ZDHHC14: variants seen among roughly 807,000 people sequenced by gnomAD.
ZDHHC14 encodes zDHHC palmitoyltransferase 14.
ZDHHC14 carries 16 observed loss-of-function variants against 47.7 expected under a neutral mutation model. That is an observed-to-expected ratio of 0.34 (90% confidence interval 0.23 to 0.51). The LOEUF is 0.51. ZDHHC14 is among the 20% of genes least tolerant of loss of function. The pLI, the probability that ZDHHC14 is intolerant of heterozygous loss-of-function variation, is 0.97. For synonymous variants in ZDHHC14, 293 were observed against 278.9 expected (o/e 1.05, Z -0.50); for missense variants, 515 against 662.5 (o/e 0.78, Z 2.44).
chr6:157,407,958 C>T (rs1417980553), intron 1 of ZDHHC14, among the ~76,000 whole-genome samples: 7 of 152,052 alleles, frequency 4.6e-5, no homozygotes, highest in African/African-American at 9.7e-5. Flanking sequence ...TAAGTGCTGC[C>T]GTGTTGCTAG....
intron 1 of ZDHHC14, among the ~76,000 whole-genome samples, chr6:157,405,399 A>T (rs1411472396): frequency 2.6e-5 from 4 of 152,008 alleles, no homozygotes; most frequent in Non-Finnish European, 5.9e-5. Context: ...CGCCTGGCTA[A>T]TTTTTTGTAT....
Position 157,540,910 on chromosome 6 carries a change from G to GTGTATATATATATATATA in ZDHHC14, c.246-1674_246-1673insGTATATATATATATATAT, listed in dbSNP as rs1284429244. 4.1e-4 allele frequency among the ~76,000 whole-genome samples: 51 copies of GTGTATATATATATATATA among 122,966 alleles called. 1 individual carries two copies. Among genetic ancestry groups the GTGTATATATATATATATA allele is most frequent in the African/African-American group, 2.2e-3 (50 of 23,054 alleles). The allele number at this position is 122,966 out of a possible 152,430, so 80.7% of individuals were successfully genotyped here. On this transcript the variant is annotated intron_variant, in intron 1 of 8. Coordinates refer to ENST00000359775, the MANE Select transcript of ZDHHC14 (RefSeq NM_024630.3). ...TGTATGTGTGTGTGTGTGTGTGTGT[G>GTGTATATATATATATATA]TATATATATATATATATATATATAA...
chr6:157,628,526 TTGC>T (rs1326165872), intron 4 of ZDHHC14, 40 bp downstream of exon 4: 1 of 1,579,980 alleles, frequency 6.3e-7, no homozygotes, highest in Non-Finnish European at 8.6e-7. Flanking sequence ...ATGTAACCAT[TTGC>T]CTGACTTTGA....
chr6:157,613,957 T>C (rs556236821), intron 3 of ZDHHC14, among the ~76,000 whole-genome samples: 1 of 152,328 alleles, frequency 6.6e-6, no homozygotes, highest in South Asian at 2.1e-4. Context: ...ACAGTTTTAG[T>C]GTTTGCTGAC....
chr6:157,412,169 C>T (rs996477418), intron 1 of ZDHHC14, among the ~76,000 whole-genome samples: 1 of 151,992 alleles, frequency 6.6e-6, no homozygotes, highest in Non-Finnish European at 1.5e-5. Flanking sequence ...GAACTCCTGA[C>T]CTCAAGTGAT....
intron 8 of ZDHHC14, 99 bp from the exon 9 acceptor site, chr6:157,672,625 C>CCG: frequency 4.4e-6 from 1 of 229,144 alleles, no homozygotes; most frequent in Non-Finnish European, 8.9e-6. Context: ...TCTTCTCGCA[C>CCG]CCCACCCTCC....
rs190765633 is a variant in ZDHHC14 at position 157,504,612 on chromosome 6, C to T, written c.246-37973C>T. Among the ~76,000 whole-genome samples, 102 of 150,132 alleles carry T rather than the reference C, an allele frequency of 6.8e-4. 1 individual carries two copies. The highest frequency in any genetic ancestry group is 6.1e-3 in the East Asian group (31 of 5,068). On this transcript the variant is annotated intron_variant, in intron 1 of 8. Coordinates refer to ENST00000359775, the MANE Select transcript of ZDHHC14 (RefSeq NM_024630.3). ...TTTTAGTAGAGATGGGGTTTCACCACGTTGGCCAAGCTGGTCTTGAACTCC... is the reference window on the plus strand; with the variant it reads ...TTTTAGTAGAGATGGGGTTTCACCATGTTGGCCAAGCTGGTCTTGAACTCC...
At chr6:157,537,244 A>G (rs1056485292) in intron 1 of ZDHHC14, among the ~76,000 whole-genome samples, 3 of 152,358 alleles carry the variant, frequency 2.0e-5, no homozygotes, top group Middle Eastern at 3.4e-3. Flanking sequence ...TATAAACATC[A>G]ATGCACAAAA....
At chr6:157,517,269 G>A (rs1270579822) in intron 1 of ZDHHC14, among the ~76,000 whole-genome samples, 3 of 151,936 alleles carry the variant, frequency 2.0e-5, no homozygotes, top group African/African-American at 4.8e-5. Context: ...GGAGTGGTGG[G>A]TGTGATGGGG....
intron 1 of ZDHHC14, among the ~76,000 whole-genome samples, chr6:157,533,686 G>T (rs1781444560): frequency 6.6e-6 from 1 of 152,176 alleles, no homozygotes; most frequent in South Asian, 2.1e-4. Flanking sequence ...GACGTGCTCT[G>T]GCTTGAGCTG....
chr6:157,414,842 T>A (rs1229858142), intron 1 of ZDHHC14, among the ~76,000 whole-genome samples: 1 of 150,440 alleles, frequency 6.6e-6, no homozygotes, highest in Admixed American at 6.6e-5. Flanking sequence ...TTTTTTTTTT[T>A]AAACAAATTT....
intron 1 of ZDHHC14, among the ~76,000 whole-genome samples, chr6:157,428,427 A>C (rs1192349893): frequency 6.6e-6 from 1 of 152,204 alleles, no homozygotes; most frequent in African/African-American, 2.4e-5. Flanking sequence ...ATATGTCATT[A>C]GGTGGAATGA....
chr6:157,438,255 T>C (rs1409994610), intron 1 of ZDHHC14, among the ~76,000 whole-genome samples: 3 of 152,166 alleles, frequency 2.0e-5, no homozygotes, highest in Non-Finnish European at 2.9e-5. Context: ...AATGCAAGCA[T>C]TTAAGGTAAG....
intron 1 of ZDHHC14, among the ~76,000 whole-genome samples, chr6:157,534,467 A>C (rs1781469980): frequency 6.6e-6 from 1 of 152,200 alleles, no homozygotes; most frequent in Non-Finnish European, 1.5e-5. Flanking sequence ...TTTTGGGGCA[A>C]AACAGTGTTG....
At chr6:157,583,632 A>G (rs966442059) in intron 2 of ZDHHC14, among the ~76,000 whole-genome samples, 30 of 152,252 alleles carry the variant, frequency 2.0e-4, no homozygotes, top group Admixed American at 1.6e-3. Flanking sequence ...TTCCTCAGCC[A>G]TGCAGCTCCT....
At chr6:157,494,264 C>T (rs1780002156) in intron 1 of ZDHHC14, among the ~76,000 whole-genome samples, 1 of 152,238 alleles carries the variant, frequency 6.6e-6, no homozygotes, top group Admixed American at 6.5e-5. Context: ...TGGGCCCTCC[C>T]TGGGAACTGT....
At chr6:157,651,857 C>CCA (rs1777853530) in intron 7 of ZDHHC14, among the ~76,000 whole-genome samples, 2 of 152,186 alleles carry the variant, frequency 1.3e-5, no homozygotes, top group Non-Finnish European at 2.9e-5. Flanking sequence ...CAGGCGTGAG[C>CCA]CACTGCGCCC....
intron 1 of ZDHHC14, among the ~76,000 whole-genome samples, chr6:157,457,134 A>G: frequency 6.7e-6 from 1 of 149,526 alleles, no homozygotes; most frequent in Admixed American, 6.8e-5. Flanking sequence ...AGATTGCACC[A>G]TTGCACTCCA....
intron 8 of ZDHHC14, among the ~76,000 whole-genome samples, chr6:157,659,763 G>A (rs79506788): frequency 0.041 from 6,259 of 152,256 alleles, 461 homozygotes; most frequent in African/African-American, 0.14. Context: ...GCAATCCGTC[G>A]TCTTCCTTTC....
Sources: allele counts gnomAD v4.1 joint callset (sites outside exome capture counted in the v4.1 genomes callset), GRCh38; gene constraint gnomAD v4.1.1; transcripts MANE v1.5; gene names NCBI Gene and HGNC (gene_info 2026-07-23, HGNC 2026-07-21).